The following NOS1AP variants were observed in gnomAD, a reference collection of about 807,000 sequenced individuals.
The protein encoded by NOS1AP is nitric oxide synthase 1 adaptor protein.
In NOS1AP, 21 loss-of-function variants were observed where a neutral mutation model predicts 56.2. The ratio of observed to expected loss-of-function variants is 0.37; its 90% confidence interval spans 0.26 to 0.54. NOS1AP has a LOEUF of 0.54. NOS1AP is among the 20% of genes least tolerant of loss of function. NOS1AP has a pLI of 0.84. For missense variants in NOS1AP, 522 were observed against 657.8 expected, an observed-to-expected ratio of 0.79 and a Z score of 2.26; for synonymous variants, 270 against 274.6, an observed-to-expected ratio of 0.98 and a Z score of 0.17.
At chr1:162,070,440 AT>A (rs1419965179) in intron 1 of NOS1AP, among the ~76,000 whole-genome samples, 158 bp downstream of exon 1, 1 of 152,030 alleles carries the variant, frequency 6.6e-6, no homozygotes. Context: ...TGAGTCTATA[AT>A]TCCGCGGGCT....
At chr1:162,129,989 G>A (rs546672031) in intron 1 of NOS1AP, among the ~76,000 whole-genome samples, 39 of 152,288 alleles carry the variant, frequency 2.6e-4, no homozygotes, top group Non-Finnish European at 4.9e-4. Flanking sequence ...TATACTTGTT[G>A]GTTGAGTGTC....
chr1:162,247,966 T>C (rs1653721141), intron 2 of NOS1AP, among the ~76,000 whole-genome samples: 1 of 152,144 alleles, frequency 6.6e-6, no homozygotes, highest in Non-Finnish European at 1.5e-5. Context: ...AAGGATTTAC[T>C]ATGGTTCTGC....
At chr1:162,351,932 A>C (rs1472289650) in intron 6 of NOS1AP, among the ~76,000 whole-genome samples, 1 of 151,994 alleles carries the variant, frequency 6.6e-6, no homozygotes, top group Non-Finnish European at 1.5e-5. Context: ...CCTAAGGGCC[A>C]CCTTTCTCTG....
At chr1:162,264,469 C>T (rs7532152) in intron 2 of NOS1AP, among the ~76,000 whole-genome samples, 378 of 31,770 alleles carry the variant, frequency 0.012, 132 homozygotes, top group East Asian at 0.065. Flanking sequence ...TCTTCTCCTC[C>T]CCTCCCCTCC....
At chr1:162,307,565 A>C (rs1301200579) in intron 4 of NOS1AP, among the ~76,000 whole-genome samples, 6 of 152,178 alleles carry the variant, frequency 3.9e-5, no homozygotes, top group Non-Finnish European at 4.4e-5. Context: ...GCACTTTGGG[A>C]GGCTGAGGCA....
intron 2 of NOS1AP, among the ~76,000 whole-genome samples, chr1:162,206,327 T>A (rs968768198): frequency 2.0e-5 from 3 of 152,184 alleles, no homozygotes; most frequent in Non-Finnish European, 4.4e-5. Context: ...TATGGGTTAG[T>A]CGGATCTGTG....
At chr1:162,095,721 G>C (rs1692225906) in intron 1 of NOS1AP, among the ~76,000 whole-genome samples, 1 of 152,210 alleles carries the variant, frequency 6.6e-6, no homozygotes, top group Non-Finnish European at 1.5e-5. Context: ...GGTGTCTGGA[G>C]ACCTACGTTT....
At chr1:162,366,951 G>A in intron 9 of NOS1AP, 101 bp from the exon 10 acceptor site, 3 of 1,371,242 alleles carry the variant, frequency 2.2e-6, no homozygotes, top group Non-Finnish European at 3.1e-6. Flanking sequence ...AAGCTGGTCT[G>A]GGAAGGGCTT....
At chr1:162,155,686 C>T (rs536942977) in intron 2 of NOS1AP, among the ~76,000 whole-genome samples, 132 of 152,240 alleles carry the variant, frequency 8.7e-4, no homozygotes, top group African/African-American at 2.9e-3. Context: ...GAAGCTGAGA[C>T]TGAGCAAGAA....
At chr1:162,205,303 A>C (rs568101732) in intron 2 of NOS1AP, among the ~76,000 whole-genome samples, 1 of 152,264 alleles carries the variant, frequency 6.6e-6, no homozygotes, top group Non-Finnish European at 1.5e-5. Context: ...TTACTTTAAA[A>C]GTGTTTAAGA....
intron 2 of NOS1AP, among the ~76,000 whole-genome samples, chr1:162,213,087 A>G (rs1441385550): frequency 6.6e-6 from 1 of 152,170 alleles, no homozygotes. Flanking sequence ...GGATCAGGTC[A>G]GGGCTGGCCG....
intron 2 of NOS1AP, among the ~76,000 whole-genome samples, chr1:162,177,074 T>C (rs1651086838): frequency 6.6e-6 from 1 of 152,226 alleles, no homozygotes; most frequent in Admixed American, 6.5e-5. Context: ...GTAGTTCTGC[T>C]GCTGAGCTGC....
At chr1:162,151,201 C>T (rs1026258502) in intron 1 of NOS1AP, among the ~76,000 whole-genome samples, 1 of 152,206 alleles carries the variant, frequency 6.6e-6, no homozygotes, top group African/African-American at 2.4e-5. Flanking sequence ...TTTCCCAGCA[C>T]CATTTATTGA....
chr1:162,312,188 C>T (rs1296842526), intron 4 of NOS1AP, among the ~76,000 whole-genome samples: 2 of 146,920 alleles, frequency 1.4e-5, no homozygotes, highest in African/African-American at 5.1e-5. Flanking sequence ...AACTAGTTTA[C>T]AGTCCCACCA....
At chr1:162,187,825 T>C (rs1449103836) in intron 2 of NOS1AP, among the ~76,000 whole-genome samples, 1 of 152,170 alleles carries the variant, frequency 6.6e-6, no homozygotes, top group African/African-American at 2.4e-5. Context: ...TTGCCTGCTG[T>C]CCTGATTAAA....
chr1:162,125,462 T>G (rs2102057118), intron 1 of NOS1AP, among the ~76,000 whole-genome samples: 2 of 152,298 alleles, frequency 1.3e-5, no homozygotes, highest in South Asian at 4.1e-4. Context: ...TGGTGAGAGA[T>G]AGATATCTAG....
rs544837948 is a variant in NOS1AP at position 162,115,562 on chromosome 1, C to T, written c.106-38843C>T. 2.4e-4 allele frequency among the ~76,000 whole-genome samples: 37 copies of T among 152,212 alleles called. 1 individual carries two copies. The highest frequency in any genetic ancestry group is 2.4e-3 in the Admixed American group (36 of 15,306). On this transcript the variant is annotated intron_variant, in intron 1 of 9. Coordinates refer to ENST00000361897, the MANE Select transcript of NOS1AP (RefSeq NM_014697.3). ...TGCCTCTCAAATGTGGCTTGCAGAC[C>T]AGCAGCAGGTATCATTGCAGAGCTT...
intron 2 of NOS1AP, among the ~76,000 whole-genome samples, chr1:162,221,994 C>T (rs1235946242): frequency 6.6e-6 from 1 of 152,066 alleles, no homozygotes; most frequent in Non-Finnish European, 1.5e-5. Flanking sequence ...ATATTTGTGT[C>T]TTAAAAATTA....
At chr1:162,231,030 T>C (rs1653107086) in intron 2 of NOS1AP, among the ~76,000 whole-genome samples, 1 of 152,202 alleles carries the variant, frequency 6.6e-6, no homozygotes, top group African/African-American at 2.4e-5. Flanking sequence ...CTGGATCATA[T>C]AGTAATTCTA....
Sources: gnomAD v4.1 joint callset for allele counts (sites outside exome capture counted in the v4.1 genomes callset) on GRCh38, gnomAD v4.1.1 for gene constraint, MANE v1.5 for transcripts, NCBI Gene and HGNC (gene_info 2026-07-23, HGNC 2026-07-21) for gene names.